Variants in FCSK observed in about 807,000 individuals in gnomAD.
FCSK encodes the protein L-fucose kinase.
In FCSK, 123 loss-of-function variants were observed where a neutral mutation model predicts 122.5. The ratio of observed to expected loss-of-function variants is 1.00; its 90% CI spans 0.87 to 1.17. The LOEUF is 1.17. FCSK is among the 50% of genes most tolerant of loss of function. FCSK has a pLI of 0.00. For synonymous variants in FCSK, 620 were observed against 625.5 expected (o/e 0.99, Z 0.13); for missense variants, 1,366 against 1,450.4 (o/e 0.94, Z 0.95).
At chr16:70,460,919 C>T (rs1056318855) in intron 1 of FCSK, among the ~76,000 whole-genome samples, 3 of 152,158 alleles carry the variant, frequency 2.0e-5, no homozygotes, top group African/African-American at 2.4e-5. Flanking sequence ...GACGTGCCTA[C>T]GGCCATACAG....
In FCSK at chr16:70,466,177, C is replaced by T. The variant is rs1388434440; in HGVS notation, c.331C>T (p.Leu111Phe). Residue 111 changes from leucine (L) to phenylalanine (F), a missense_variant, in exon 5 of 24, where the codon CTC becomes TTC. Leu to Phe is a conservative substitution (Grantham distance 22). Coordinates refer to ENST00000288078, the MANE Select transcript of FCSK (RefSeq NM_145059.3). Reference protein sequence around the residue: ...FDDCGRAFTCLPVENPEAPVE... With the variant: ...FDDCGRAFTCFPVENPEAPVE... Reference sequence around the variant, plus strand: ...TGACTGTGGCAGGGCTTTCACCTGCCTCCCCGTGGAGAACCCCGAGGCCCC... The same window carrying T: ...TGACTGTGGCAGGGCTTTCACCTGCTTCCCCGTGGAGAACCCCGAGGCCCC... The T allele has an allele frequency of 4.3e-6, 7 of 1,613,830 alleles. No individual in the cohort carries two copies. The highest frequency in any genetic ancestry group is 1.7e-5 in the Admixed American group (1 of 59,978).
intron 3 of FCSK, among the ~76,000 whole-genome samples, chr16:70,464,732 G>C (rs1393357830): frequency 2.0e-5 from 3 of 151,056 alleles, no homozygotes; most frequent in Non-Finnish European, 2.9e-5. Flanking sequence ...TTAAGAGGTA[G>C]CCAGGCGTGG....
chr16:70,454,899 CG>C (rs2048041257), intron 1 of FCSK: 1 of 152,172 alleles, frequency 6.6e-6, no homozygotes, highest in Non-Finnish European at 1.5e-5. Flanking sequence ...CAGCTGGGAC[CG>C]GGAGGGATGC....
chr16:70,470,936 G>A (rs2048592564), intron 11 of FCSK, 35 bp from the exon 12 acceptor site: 6 of 1,534,364 alleles, frequency 3.9e-6, no homozygotes, highest in Middle Eastern at 2.2e-4. Flanking sequence ...CCTGGGCCTC[G>A]ACCCCCCTCA....
At position 70,474,976 on chromosome 16, in the gene FCSK, C is replaced by T. The variant is rs1430207985; in HGVS notation, c.2342C>T (p.Ala781Val). 1 of 1,609,184 alleles carries T rather than the reference C, an allele frequency of 6.2e-7. No individual in the cohort carries two copies. ...MTVKIVCRCL[A>V]DLRDYCQPHA... ...GTGAAGATAGTGTGCCGGTGCCTGG[C>T]TGACCTGCGGGACTACTGCCAGCCT... Residue 781 changes from alanine to valine, a missense_variant, in exon 18 of 24, where the codon GCT becomes GTT. By Grantham distance (64) the Ala-to-Val change is moderately conservative. Transcript: ENST00000288078.
In FCSK at chr16:70,463,747, A is replaced by G. The variant is rs2048335035; in HGVS notation, c.207A>G (p.Glu69=). The change falls in exon 3 of 24, where the codon GAA becomes GAG. Residue 69 remains glutamate (E), a synonymous_variant. Transcript: ENST00000288078. The part of the protein sequence containing the change: ...ATLNALLVAA[E]HLSARAGFTV... ...TCAACGCCCTGCTGGTGGCTGCTGAACACCTGAGTGCCCGGGCAGGCTTCA... is the reference window on the plus strand; with the variant it reads ...TCAACGCCCTGCTGGTGGCTGCTGAGCACCTGAGTGCCCGGGCAGGCTTCA... The G allele has an allele frequency of 6.2e-7, 1 of 1,611,970 alleles. No homozygotes were observed. The highest frequency in any genetic ancestry group is 8.5e-7 in the Non-Finnish European group (1 of 1,179,784).
intron 3 of FCSK, among the ~76,000 whole-genome samples, chr16:70,464,635 C>T (rs2048361141): frequency 6.8e-6 from 1 of 147,430 alleles, no homozygotes; most frequent in Non-Finnish European, 1.5e-5. Context: ...GAGATCATGC[C>T]ATTGCAGTGA....
chr16:70,471,366 C>A lies in FCSK; in HGVS notation c.1341+14C>A. 6.4e-7 allele frequency: 1 copy of A among 1,552,706 alleles called. No individual in the cohort carries two copies. Among genetic ancestry groups the A allele is most frequent in the East Asian group, 2.3e-5 (1 of 42,714 alleles). On this transcript the variant is annotated intron_variant, in intron 13 of 23. Coordinates refer to ENST00000288078, the MANE Select transcript of FCSK (RefSeq NM_145059.3). Reference sequence around the variant, plus strand: ...GACAGCTGGGAGGTAGGCAGTCACCCTGCATTCCCTCACCCCCATCTTCAG... The same window carrying A: ...GACAGCTGGGAGGTAGGCAGTCACCATGCATTCCCTCACCCCCATCTTCAG...
chr16:70,463,594 G>T (rs564516849), intron 2 of FCSK, 29 bp from the exon 3 acceptor site: 1 of 1,610,804 alleles, frequency 6.2e-7, no homozygotes, highest in African/African-American at 1.3e-5. Context: ...GAGCTGGGGG[G>T]CAGGTCCCAG....
At position 70,479,567 on chromosome 16, in the gene FCSK, T is replaced by C; in HGVS notation, c.3154-12T>C. 6.2e-7 allele frequency: 1 copy of C among 1,611,160 alleles called. No individual in the cohort carries two copies. Among genetic ancestry groups the C allele is most frequent in the Non-Finnish European group, 8.5e-7 (1 of 1,177,892 alleles). On this transcript the variant is annotated splice_polypyrimidine_tract_variant and intron_variant, in intron 23 of 23. Coordinates refer to ENST00000288078, the MANE Select transcript of FCSK (RefSeq NM_145059.3). ...TGTCCAGAGCCTTCTAAATACTTCC[T>C]GTCTTGTCCAGGGCCTTGGGAATTA...
In FCSK at chr16:70,467,360, G is replaced by C. The variant is rs1371934924; in HGVS notation, c.485-14G>C. On this transcript the variant is annotated splice_polypyrimidine_tract_variant and intron_variant, in intron 6 of 23. Transcript: ENST00000288078. The stretch of plus-strand genomic sequence containing the variant: ...GGAGGCCCCTGGGAGCCTCCTGACT[G>C]CCCCACCCCACAGGTATCAGCTGGG... The C allele has an allele frequency of 2.5e-6, 4 of 1,593,070 alleles. No homozygotes were observed. Among genetic ancestry groups the C allele is most frequent in the Admixed American group, 3.4e-5 (2 of 58,202 alleles).
intron 22 of FCSK, 70 bp downstream of exon 22, chr16:70,478,720 A>C: frequency 7.8e-7 from 1 of 1,290,044 alleles, no homozygotes; most frequent in Non-Finnish European, 1.1e-6. Context: ...GTTTGAGGCC[A>C]GGGTCATCTG....
chr16:70,471,235 C>T lies in FCSK; in HGVS notation c.1224C>T (p.His408=), dbSNP rs1008269710. ...GCLVTGLDTA[H]SKALHGRELR... is the part of the protein sequence containing the mutation. ...TGGTGACTGGCCTGGATACAGCCCA[C>T]TCCAAGGCCCTGCATGGCCGGGAGC... Residue 408 remains histidine, a synonymous_variant, in exon 13 of 24, where the codon CAC becomes CAT. Transcript: ENST00000288078. The T allele has an allele frequency of 6.2e-7, 1 of 1,611,150 alleles. No homozygotes were observed. Among genetic ancestry groups the T allele is most frequent in the Non-Finnish European group, 8.5e-7 (1 of 1,179,368 alleles).
intron 2 of FCSK, 65 bp from the exon 3 acceptor site, chr16:70,463,558 G>A (rs2048329008): frequency 3.2e-6 from 5 of 1,586,506 alleles, no homozygotes. Context: ...CAGTAGGCTT[G>A]CTTACGTGCT....
At position 70,465,253 on chromosome 16, in the gene FCSK, G is replaced by A; in HGVS notation, c.285+77G>A. The A allele has an allele frequency of 3.6e-6, 5 of 1,380,876 alleles. No homozygotes were observed. In the South Asian group the frequency reaches 5.3e-5, roughly 15 times the overall value. 85.5% of individuals were successfully genotyped at this position (1,380,876 alleles called of 1,614,324 possible). A position where few individuals can be genotyped will look rare whatever the true frequency, so the allele number is the denominator to read the frequency against. Reference sequence around the variant, plus strand: ...TGGAGTTGAGCAGGACTTCAGGGGTGTTCTGCCACTGTGTGTGTGCAAGAT... The same window carrying A: ...TGGAGTTGAGCAGGACTTCAGGGGTATTCTGCCACTGTGTGTGTGCAAGAT... On this transcript the variant is annotated intron_variant, in intron 4 of 23. Coordinates refer to ENST00000288078, the MANE Select transcript of FCSK (RefSeq NM_145059.3).
intron 13 of FCSK, among the ~76,000 whole-genome samples, chr16:70,472,070 A>G (rs773950472): frequency 2.0e-5 from 3 of 151,816 alleles, no homozygotes; most frequent in Non-Finnish European, 2.9e-5. Context: ...CGGCCTCCCA[A>G]AGTGCTGGGA....
chr16:70,475,896 C>A (rs2048796905), intron 20 of FCSK, 129 bp downstream of exon 20: 2 of 988,470 alleles, frequency 2.0e-6, no homozygotes, highest in Admixed American at 3.5e-5. Flanking sequence ...GTTGGAAATA[C>A]TTTCCTTCTA....
Position 70,478,255 on chromosome 16 carries a change from A to T in FCSK, c.2642-17A>T, listed in dbSNP as rs1417104130. On this transcript the variant is annotated splice_polypyrimidine_tract_variant and intron_variant, in intron 20 of 23. Transcript: ENST00000288078. ...GGGCCAGATAGACTCCAACAGTGACAGTCCCTGGGCTCACAGGAGGTGGCT... is the reference window on the plus strand; with the variant it reads ...GGGCCAGATAGACTCCAACAGTGACTGTCCCTGGGCTCACAGGAGGTGGCT... 3 of 1,612,614 alleles carry T rather than the reference A, an allele frequency of 1.9e-6. No homozygotes were observed. Among genetic ancestry groups the T allele is most frequent in the African/African-American group, 2.7e-5 (2 of 74,926 alleles).
chr16:70,467,505 G>A (rs1204765475), intron 7 of FCSK, 34 bp downstream of exon 7: 1 of 1,517,052 alleles, frequency 6.6e-7, no homozygotes, highest in Non-Finnish European at 9.0e-7. Flanking sequence ...GCCGGCTGGG[G>A]CAGCCTTCCT....
Sources: gnomAD v4.1 joint callset for allele counts (sites outside exome capture counted in the v4.1 genomes callset) on GRCh38, gnomAD v4.1.1 for gene constraint, MANE v1.5 for transcripts, NCBI Gene and HGNC (gene_info 2026-07-23, HGNC 2026-07-21) for gene names.